RHOT1: variants seen among roughly 807,000 people sequenced by gnomAD.
RHOT1 encodes ras homolog family member T1.
Under a neutral mutation model 95.3 loss-of-function variants are expected in RHOT1, and 27 were observed. The ratio of observed to expected loss-of-function variants is 0.28; its 90% CI spans 0.21 to 0.39. The LOEUF (loss-of-function observed/expected upper bound fraction) is 0.39, where lower values mean the gene tolerates loss of function less well. RHOT1 is among the 10% of genes least tolerant of loss of function. The pLI, the probability that RHOT1 is intolerant of heterozygous loss-of-function variation, is 1.00. For synonymous variants in RHOT1, 227 were observed against 263.5 expected, an observed-to-expected ratio of 0.86 and a Z score of 1.34; for missense variants, 578 against 786.7, an observed-to-expected ratio of 0.73 and a Z score of 3.17.
chr17:32,178,523 G>C (rs1489130376), intron 6 of RHOT1, among the ~76,000 whole-genome samples: 3 of 152,084 alleles, frequency 2.0e-5, no homozygotes, highest in African/African-American at 4.8e-5. Context: ...GTGCAGTGGT[G>C]GGATCTCGGC....
intron 1 of RHOT1, chr17:32,143,244 G>A (rs545250440): frequency 2.1e-5 from 8 of 373,554 alleles, no homozygotes; most frequent in Admixed American, 1.4e-4. Flanking sequence ...CGACTTGTGG[G>A]CAAGGTCAGG....
intron 2 of RHOT1, 108 bp from the exon 3 acceptor site, chr17:32,173,723 A>T: frequency 1.3e-6 from 1 of 773,164 alleles, no homozygotes; most frequent in Non-Finnish European, 2.1e-6. Context: ...AAAAAAAAAA[A>T]GAAAAGAAAC....
chr17:32,162,616 G>A (rs2033666453), intron 1 of RHOT1, among the ~76,000 whole-genome samples: 1 of 152,128 alleles, frequency 6.6e-6, no homozygotes, highest in Non-Finnish European at 1.5e-5. Context: ...CTGTGCTTGG[G>A]CCAGGTGAAA....
chr17:32,211,315 C>A, intron 19 of RHOT1, 77 bp downstream of exon 19: 1 of 1,330,804 alleles, frequency 7.5e-7, no homozygotes, highest in South Asian at 1.8e-5. Context: ...ATTTATTATA[C>A]AGATACTCAC....
chr17:32,152,371 G>A (rs1463765896), intron 1 of RHOT1, among the ~76,000 whole-genome samples: 1 of 152,186 alleles, frequency 6.6e-6, no homozygotes, highest in Admixed American at 6.5e-5. Context: ...CATAATGTTG[G>A]TTGTCTGTTC....
At chr17:32,194,416 A>T (rs1260934308) in intron 11 of RHOT1, among the ~76,000 whole-genome samples, 1 of 152,244 alleles carries the variant, frequency 6.6e-6, no homozygotes, top group East Asian at 1.9e-4. Flanking sequence ...CACTATTGGC[A>T]TTTTGGACCA....
chr17:32,178,727 T>C (rs1435273649), intron 6 of RHOT1, among the ~76,000 whole-genome samples: 7 of 102,656 alleles, frequency 6.8e-5, no homozygotes, highest in East Asian at 6.6e-4. Flanking sequence ...CCAGCCGCCC[T>C]GTCTGGGAGG....
chr17:32,167,249 A>C (rs990846142), intron 1 of RHOT1, among the ~76,000 whole-genome samples: 1 of 151,448 alleles, frequency 6.6e-6, no homozygotes, highest in African/African-American at 2.4e-5. Context: ...TATTCAATAA[A>C]CCATTCTGTA....
intron 19 of RHOT1, among the ~76,000 whole-genome samples, chr17:32,223,632 C>A (rs1362557563): frequency 6.6e-6 from 1 of 152,012 alleles, no homozygotes; most frequent in Non-Finnish European, 1.5e-5. Flanking sequence ...CCAGGCCAGT[C>A]TCGAACTCCT....
At chr17:32,145,293 C>CA (rs527650816) in intron 1 of RHOT1, among the ~76,000 whole-genome samples, 13 of 152,158 alleles carry the variant, frequency 8.5e-5, no homozygotes, top group African/African-American at 3.1e-4. Context: ...GAGTGAGACT[C>CA]TGTCTCAAAA....
intron 9 of RHOT1, among the ~76,000 whole-genome samples, 167 bp from the exon 10 acceptor site, chr17:32,192,968 GT>G (rs2036609492): frequency 6.6e-6 from 1 of 152,120 alleles, no homozygotes. Context: ...CCCAGCCCAT[GT>G]TTTACTTAAA....
At chr17:32,180,664 AAG>A (rs1201223927) in intron 6 of RHOT1, among the ~76,000 whole-genome samples, 1 of 151,282 alleles carries the variant, frequency 6.6e-6, no homozygotes, top group African/African-American at 2.4e-5. Flanking sequence ...GAAAAAAAAA[AAG>A]AAATAATAAA....
At chr17:32,152,213 C>T (rs1189828124) in intron 1 of RHOT1, among the ~76,000 whole-genome samples, 1 of 152,242 alleles carries the variant, frequency 6.6e-6, no homozygotes, top group Non-Finnish European at 1.5e-5. Context: ...GACACCTTCT[C>T]TCCTGCCAGA....
chr17:32,216,500 T>A (rs1336435493), intron 19 of RHOT1, among the ~76,000 whole-genome samples: 1 of 152,174 alleles, frequency 6.6e-6, no homozygotes, highest in Non-Finnish European at 1.5e-5. Context: ...AAGTGCATAG[T>A]TCACACCGAA....
chr17:32,200,974 T>C lies in RHOT1; in HGVS notation c.1119T>C (p.Asp373=). ...TTCATAGGCTCACGACTTATTTAGATGTACAGCGGTGCCTGGAATATTTGG... is the reference window on the plus strand; with the variant it reads ...TTCATAGGCTCACGACTTATTTAGACGTACAGCGGTGCCTGGAATATTTGG... ...LSQWTLTTYL[D]VQRCLEYLGY... The change falls in exon 14 of 20, where the codon GAT becomes GAC. Residue 373 remains aspartate, a synonymous_variant. Coordinates refer to ENST00000545287, the MANE Select transcript of RHOT1 (RefSeq NM_001033566.3). The C allele has an allele frequency of 1.2e-6, 2 of 1,611,302 alleles. No individual in the cohort carries two copies. The highest frequency in any genetic ancestry group is 1.7e-6 in the Non-Finnish European group (2 of 1,178,044).
intron 1 of RHOT1, chr17:32,151,452 T>G: frequency 4.7e-6 from 3 of 631,662 alleles, no homozygotes; most frequent in Non-Finnish European, 8.5e-6. Flanking sequence ...TTGGAATCAT[T>G]CCTGTTGATG....
At position 32,216,068 on chromosome 17, in the gene RHOT1, A is replaced by G. The variant is rs1403075869; in HGVS notation, c.1862+4830A>G. Among the ~76,000 whole-genome samples the G allele has an allele frequency of 2.6e-5, 4 of 152,166 alleles. No homozygotes were observed. In the East Asian group the frequency reaches 7.7e-4, roughly 29 times the overall value. On this transcript the variant is annotated intron_variant, in intron 19 of 19. Transcript: ENST00000545287. ...ATCTTTTAAATTTGAAAATGATTAT[A>G]TATAGATGAGCTTGATTGTTGGTTT...
intron 7 of RHOT1, 40 bp from the exon 8 acceptor site, chr17:32,183,131 C>G: frequency 6.8e-7 from 1 of 1,468,554 alleles, no homozygotes; most frequent in African/African-American, 1.4e-5. Context: ...GTTTTTAGCT[C>G]TCATAATTGA....
Position 32,151,118 on chromosome 17 carries a change from A to C in RHOT1, c.37+8389A>C, listed in dbSNP as rs945481925. The C allele has an allele frequency of 1.1e-5, 10 of 876,256 alleles. No homozygotes were observed. The African/African-American group carries it at 1.5e-4, about 13-fold the overall frequency. The allele number at this position is 876,256 out of a possible 1,614,324, so 54.3% of individuals were successfully genotyped here. A position where few individuals can be genotyped will look rare whatever the true frequency, so the allele number is the denominator to read the frequency against. ...AGGTTATCATCTCACATCCTCTCCA[A>C]TTTACCATGACACTGGGTTCTTTAC... On this transcript the variant is annotated intron_variant, in intron 1 of 19. Transcript: ENST00000545287.
Sources: allele counts gnomAD v4.1 joint callset (sites outside exome capture counted in the v4.1 genomes callset), GRCh38; gene constraint gnomAD v4.1.1; transcripts MANE v1.5; gene names NCBI Gene and HGNC (gene_info 2026-07-23, HGNC 2026-07-21).